Variants in PPIL2 observed in about 807,000 individuals in gnomAD.
PPIL2 encodes RING-type E3 ubiquitin-protein ligase PPIL2.
Under a neutral mutation model 75.2 loss-of-function variants are expected in PPIL2, and 50 were observed. The observed-to-expected ratio is 0.66, with a 90% CI of 0.53 to 0.84. The LOEUF is 0.84. Ranked by LOEUF, PPIL2 falls within the 40% of genes least tolerant of loss-of-function variation. The pLI is 0.00. For missense variants in PPIL2, 590 were observed against 685.0 expected, an observed-to-expected ratio of 0.86 and a Z score of 1.55; for synonymous variants, 245 against 258.8, an observed-to-expected ratio of 0.95 and a Z score of 0.51.
chr22:21,692,181 A>C (rs1465169476), intron 15 of PPIL2, among the ~76,000 whole-genome samples: 2 of 144,702 alleles, frequency 1.4e-5, no homozygotes, highest in Admixed American at 1.4e-4. Context: ...TTTGAGACGG[A>C]GTCTCGCTCC....
At chr22:21,683,642 C>T (rs1048311455) in intron 9 of PPIL2, among the ~76,000 whole-genome samples, 1 of 152,222 alleles carries the variant, frequency 6.6e-6, no homozygotes, top group Non-Finnish European at 1.5e-5. Context: ...GTGGCCTGGG[C>T]ACTTTGTGAG....
At chr22:21,699,914 G>T (rs1172505291), downstream of PPIL2, 1 of 152,392 alleles carries the variant, frequency 6.6e-6, no homozygotes, top group Non-Finnish European at 1.5e-5. Context: ...CTCAGTAAGG[G>T]CACCTCTGCG....
chr22:21,669,043 G>T (rs1375978018), intron 1 of PPIL2, among the ~76,000 whole-genome samples: 31 of 143,292 alleles, frequency 2.2e-4, no homozygotes, highest in Non-Finnish European at 3.9e-4. Flanking sequence ...GTAGAGACTG[G>T]TTTCACCGTG....
downstream of PPIL2, chr22:21,699,427 A>C (rs2068041352): frequency 6.6e-6 from 1 of 152,362 alleles, no homozygotes; most frequent in Non-Finnish European, 1.5e-5. Flanking sequence ...ATCCTCTGCA[A>C]AGTGGCCTAA....
At chr22:21,687,780 C>A in intron 13 of PPIL2, 48 bp downstream of exon 13, 1 of 1,562,964 alleles carries the variant, frequency 6.4e-7, no homozygotes, top group Non-Finnish European at 8.8e-7. Flanking sequence ...GGTGGGACAT[C>A]GGGGGCTGGG....
Position 21,672,336 on chromosome 22 carries a change from T to C in PPIL2, c.198T>C (p.Ile66=). 6.2e-7 allele frequency: 1 copy of C among 1,612,308 alleles called. No individual in the cohort carries two copies. The highest frequency in any genetic ancestry group is 2.2e-5 in the East Asian group (1 of 44,872). ...TGTTCTGTCTTCCCTTCAGGAACAT[T>C]GTTCCATGGCTTAAGAAGTACGGGA... The part of the protein sequence containing the change: ...PDGIVFDLLN[I]VPWLKKYGTN... Residue 66 remains isoleucine, a synonymous_variant, in exon 5 of 20, where the codon ATT becomes ATC. Transcript: ENST00000398831.
Position 21,681,353 on chromosome 22 carries a change from T to A in PPIL2, c.350T>A (p.Val117Glu). 1 of 1,614,190 alleles carries A rather than the reference T, an allele frequency of 6.2e-7. No homozygotes were observed. The highest frequency in any genetic ancestry group is 1.1e-5 in the South Asian group (1 of 91,086). Residue 117 changes from valine to glutamate, a missense_variant, in exon 7 of 20, where the codon GTG becomes GAG. By Grantham distance (121) the Val-to-Glu change is moderately radical. Coordinates refer to ENST00000398831, the MANE Select transcript of PPIL2 (RefSeq NM_014337.4). The stretch of plus-strand genomic sequence containing the variant: ...GTGTTCACCAACAACACCCACATCG[T>A]GGCTGTGAGGACGACCGGCAACGTC... ...FTVFTNNTHI[V>E]AVRTTGNVYA...
chr22:21,667,808 C>G (rs1352808301), intron 1 of PPIL2, among the ~76,000 whole-genome samples: 5 of 115,582 alleles, frequency 4.3e-5, no homozygotes, highest in Non-Finnish European at 6.5e-5. Flanking sequence ...TGGAGTCTTG[C>G]TCTGTCGCCC....
Position 21,696,588 on chromosome 22 carries a change from G to T in PPIL2, c.*1098G>T. The T allele has an allele frequency of 6.9e-7, 1 of 1,445,704 alleles. No homozygotes were observed. The highest frequency in any genetic ancestry group is 1.4e-5 in the South Asian group (1 of 69,626). The allele number at this position is 1,445,704 out of a possible 1,614,324, so 89.6% of individuals were successfully genotyped here. A position where few individuals can be genotyped will look rare whatever the true frequency, so the allele number is the denominator to read the frequency against. On this transcript the variant is annotated 3_prime_UTR_variant, in exon 20 of 20. Transcript: ENST00000398831. ...CGTCTTCAGCCCAGGCCAGTGGTCA[G>T]TGTTCTCATGTCATGGACTCTCCTT... is the stretch of plus-strand genomic sequence containing the variant.
At chr22:21,676,381 T>TA (rs558851451) in intron 6 of PPIL2, among the ~76,000 whole-genome samples, 2,671 of 150,580 alleles carry the variant, frequency 0.018, 67 homozygotes, top group Non-Finnish European at 0.025. Context: ...TTTTTTTTTT[T>TA]ATTGATCATT....
rs2067857806 is a variant in PPIL2, at chr22:21,694,996, C to T, written c.1392C>T (p.Ser464=). The T allele has an allele frequency of 6.2e-7, 1 of 1,613,572 alleles. No individual in the cohort carries two copies. Among genetic ancestry groups the T allele is most frequent in the South Asian group, 1.1e-5 (1 of 91,092 alleles). Residue 464 remains serine (S), a synonymous_variant, in exon 19 of 20, where the codon AGC becomes AGT. Transcript: ENST00000398831. ...CCCCGGAGACCAAAGTGAAGAGCAG[C>T]CAGCCCCAGGCAGGGAGCCAGGGCC... is the stretch of plus-strand genomic sequence containing the variant. The part of the protein sequence containing the change: ...KVAPETKVKS[S]QPQAGSQGPQ...
intron 3 of PPIL2, 115 bp from the exon 4 acceptor site, chr22:21,670,882 G>T: frequency 1.9e-6 from 2 of 1,069,808 alleles, no homozygotes; most frequent in African/African-American, 3.1e-5. Flanking sequence ...TGGCCAGGCT[G>T]CCCAGAGAGG....
At chr22:21,695,147 G>C in intron 19 of PPIL2, 77 bp downstream of exon 19, 1 of 1,473,990 alleles carries the variant, frequency 6.8e-7, no homozygotes, top group Non-Finnish European at 9.0e-7. Context: ...GTCAGACCCA[G>C]AGGGGCAAGC....
rs2067926137 is a variant in PPIL2, at chr22:21,696,269, T to TTCATC, written c.*783_*787dup. On this transcript the variant is annotated 3_prime_UTR_variant, in exon 20 of 20. Transcript: ENST00000398831. ...TGCTCTGGCTGTGAACCACCTGGGCTTCATCTCAAGCCTGCCTGGCGTCTC... is the reference window on the plus strand; with the variant it reads ...TGCTCTGGCTGTGAACCACCTGGGCTTCATCTCATCTCAAGCCTGCCTGGCGTCTC... 1 of 1,030,066 alleles carries TTCATC rather than the reference T, an allele frequency of 9.7e-7. No individual in the cohort carries two copies. The allele number at this position is 1,030,066 out of a possible 1,614,324, so 63.8% of individuals were successfully genotyped here.
Position 21,675,015 on chromosome 22 carries a change from C to T in PPIL2, c.244-49C>T, listed in dbSNP as rs372996187. ...TGTCTCTGACCCTAGCATCTCTGTG[C>T]ATCAGTTACTTATTCATTATCATTA... On this transcript the variant is annotated intron_variant, in intron 5 of 19. Transcript: ENST00000398831. 3.4e-6 allele frequency: 5 copies of T among 1,488,464 alleles called. No homozygotes were observed. The African/African-American group carries it at 5.5e-5, about 16-fold the overall frequency. 92.2% of individuals were successfully genotyped at this position (1,488,464 alleles called of 1,614,324 possible). A position where few individuals can be genotyped will look rare whatever the true frequency, so the allele number is the denominator to read the frequency against.
intron 6 of PPIL2, among the ~76,000 whole-genome samples, chr22:21,678,023 A>G (rs891215521): frequency 6.6e-6 from 1 of 152,078 alleles, no homozygotes; most frequent in African/African-American, 2.4e-5. Flanking sequence ...TGGGAGTCCA[A>G]TGTGGCTGGA....
At chr22:21,692,508 A>G (rs1384724221) in intron 15 of PPIL2, among the ~76,000 whole-genome samples, 1 of 151,662 alleles carries the variant, frequency 6.6e-6, no homozygotes, top group Non-Finnish European at 1.5e-5. Context: ...GTTGCGTTCT[A>G]TGATCTTGTT....
At chr22:21,692,396 C>A (rs182267216) in intron 15 of PPIL2, among the ~76,000 whole-genome samples, 7 of 151,448 alleles carry the variant, frequency 4.6e-5, no homozygotes, top group African/African-American at 1.2e-4. Context: ...CCTTGTGATC[C>A]GCCCACCTTG....
Position 21,696,611 on chromosome 22 carries a change from C to T in PPIL2, c.*1121C>T. ...CAGTGTTCTCATGTCATGGACTCTC[C>T]TTGCCTGACACTTGCCTCTTGGGCT... On this transcript the variant is annotated 3_prime_UTR_variant, in exon 20 of 20. Coordinates refer to ENST00000398831, the MANE Select transcript of PPIL2 (RefSeq NM_014337.4). 2.0e-6 allele frequency: 3 copies of T among 1,489,136 alleles called. No homozygotes were observed. Among genetic ancestry groups the T allele is most frequent in the South Asian group, 1.3e-5 (1 of 74,750 alleles). The allele number at this position is 1,489,136 out of a possible 1,614,324, so 92.2% of individuals were successfully genotyped here.
Sources: allele counts gnomAD v4.1 joint callset (sites outside exome capture counted in the v4.1 genomes callset), GRCh38; gene constraint gnomAD v4.1.1; transcripts MANE v1.5; gene names NCBI Gene and HGNC (gene_info 2026-07-23, HGNC 2026-07-21).